The following NCLN variants were observed in gnomAD, a reference collection of about 807,000 sequenced individuals.
The protein encoded by NCLN is BOS complex subunit NCLN.
NCLN carries 34 observed loss-of-function variants against 69.5 expected under a neutral mutation model. That is an observed-to-expected ratio of 0.49 (90% CI 0.37 to 0.65). The LOEUF (loss-of-function observed/expected upper bound fraction) is 0.65. Among genes scored for constraint, NCLN ranks in the 30% least tolerant of loss-of-function variants. NCLN has a pLI of 0.00. For missense variants in NCLN, 710 were observed against 804.8 expected, an observed-to-expected ratio of 0.88 and a Z score of 1.42; for synonymous variants, 393 against 358.3, an observed-to-expected ratio of 1.10 and a Z score of -1.09.
At chr19:3,190,030 C>T (rs148978372) in intron 1 of NCLN, among the ~76,000 whole-genome samples, 2,050 of 152,316 alleles carry the variant, frequency 0.013, 25 homozygotes, top group Non-Finnish European at 0.022. Flanking sequence ...TGCGGGAGCT[C>T]GAGGCCCGGA....
At chr19:3,188,249 GC>G (rs368702023) in intron 1 of NCLN, among the ~76,000 whole-genome samples, 52 of 151,792 alleles carry the variant, frequency 3.4e-4, no homozygotes, top group African/African-American at 1.2e-3. Context: ...GCAGGTGTGG[GC>G]CCCCTTTCTC....
At chr19:3,204,522 G>C (rs532828168) in intron 8 of NCLN, 51 bp from the exon 9 acceptor site, 9 of 1,482,580 alleles carry the variant, frequency 6.1e-6, no homozygotes, top group Middle Eastern at 1.8e-4. Context: ...GAATGGGCTG[G>C]GGTGGCCGCC....
At chr19:3,206,873 G>A (rs1916284857) in intron 12 of NCLN, among the ~76,000 whole-genome samples, 2 of 152,184 alleles carry the variant, frequency 1.3e-5, no homozygotes, top group African/African-American at 4.8e-5. Flanking sequence ...CCAGGCTGGA[G>A]TGCAGTGGCG....
chr19:3,200,745 T>G (rs1480394503), intron 5 of NCLN, among the ~76,000 whole-genome samples: 2 of 151,914 alleles, frequency 1.3e-5, no homozygotes, highest in Non-Finnish European at 2.9e-5. Flanking sequence ...AAGCAGCCCC[T>G]CCCCATCAGC....
chr19:3,199,936 A>G (rs1227464156), intron 5 of NCLN, among the ~76,000 whole-genome samples: 1 of 151,790 alleles, frequency 6.6e-6, no homozygotes, highest in East Asian at 1.9e-4. Flanking sequence ...TCCTGACCTC[A>G]TGATTTGCCC....
Position 3,195,804 on chromosome 19 carries a change from A to C in NCLN, c.521-379A>C, listed in dbSNP as rs373978385. 4.3e-4 allele frequency among the ~76,000 whole-genome samples: 66 copies of C among 152,194 alleles called. 1 individual carries two copies. The highest frequency in any genetic ancestry group is 1.5e-3 in the African/African-American group (64 of 41,522). The stretch of plus-strand genomic sequence containing the variant: ...AGACCCTGTCTCAAATTAAAAAAAA[A>C]GTTGTGTTTTTAAAATGCTTTAAAG... On this transcript the variant is annotated intron_variant, in intron 3 of 14. Transcript: ENST00000246117.
In NCLN at chr19:3,208,713, C is replaced by G. The variant is rs1916350056; in HGVS notation, c.*1025C>G. 6.6e-6 allele frequency: 1 copy of G among 152,340 alleles called. No homozygotes were observed. The highest frequency in any genetic ancestry group is 2.4e-5 in the African/African-American group (1 of 41,414). 9.4% of individuals were successfully genotyped at this position (152,340 alleles called of 1,614,324 possible). Reference sequence around the variant, plus strand: ...CCTCCCCTCGCTCCTCGCCCTGGGCCTCAGCTTCCTCATCAATAGAAAGGA... The same window carrying G: ...CCTCCCCTCGCTCCTCGCCCTGGGCGTCAGCTTCCTCATCAATAGAAAGGA... On this transcript the variant is annotated 3_prime_UTR_variant, in exon 15 of 15. Coordinates refer to ENST00000246117, the MANE Select transcript of NCLN (RefSeq NM_020170.4).
At chr19:3,199,491 C>G (rs1433764566) in intron 5 of NCLN, among the ~76,000 whole-genome samples, 1 of 152,220 alleles carries the variant, frequency 6.6e-6, no homozygotes, top group Non-Finnish European at 1.5e-5. Context: ...CGGAGGGAAG[C>G]AGGGCCCGTG....
At chr19:3,191,607 A>G (rs1203045279) in intron 1 of NCLN, among the ~76,000 whole-genome samples, 4 of 152,206 alleles carry the variant, frequency 2.6e-5, no homozygotes, top group African/African-American at 9.6e-5. Flanking sequence ...GCTTCAGGGA[A>G]GGGCCGTCCC....
At position 3,204,757 on chromosome 19, in the gene NCLN, C is replaced by A; in HGVS notation, c.1208+6C>A. On this transcript the variant is annotated splice_donor_region_variant and intron_variant, in intron 9 of 14. Transcript: ENST00000246117. ...AGCAGCATCATGGACGTGCGGTGAG[C>A]GCGGCAGCACCTGCCCGGCCCCTCC... The A allele has an allele frequency of 1.3e-6, 2 of 1,483,134 alleles. No homozygotes were observed. Among genetic ancestry groups the A allele is most frequent in the Non-Finnish European group, 9.0e-7 (1 of 1,116,966 alleles). The allele number at this position is 1,483,134 out of a possible 1,614,324, so 91.9% of individuals were successfully genotyped here. A position where few individuals can be genotyped will look rare whatever the true frequency, so the allele number is the denominator to read the frequency against.
intron 4 of NCLN, among the ~76,000 whole-genome samples, chr19:3,198,002 C>A (rs189279129): frequency 8.9e-4 from 135 of 152,336 alleles, no homozygotes; most frequent in Middle Eastern, 3.4e-3. Context: ...GTAACAGACA[C>A]CATCTGGTCC....
At chr19:3,199,406 A>T (rs756903217) in intron 5 of NCLN, among the ~76,000 whole-genome samples, 1 of 152,236 alleles carries the variant, frequency 6.6e-6, no homozygotes, top group Non-Finnish European at 1.5e-5. Context: ...AGACTTCCAG[A>T]GACCCAGCGC....
chr19:3,197,190 C>G (rs766320390), intron 4 of NCLN, among the ~76,000 whole-genome samples: 11 of 152,248 alleles, frequency 7.2e-5, no homozygotes, highest in Non-Finnish European at 1.3e-4. Context: ...GTAGCCTGGC[C>G]TGCGTCACTC....
chr19:3,193,196 A>ACCCCCCC, intron 2 of NCLN, 88 bp from the exon 3 acceptor site: 2 of 1,206,566 alleles, frequency 1.7e-6, no homozygotes, highest in Non-Finnish European at 1.1e-6. Context: ...GCCCCCTGCT[A>ACCCCCCC]CCCCCACCAG....
intron 13 of NCLN, 24 bp downstream of exon 13, chr19:3,207,275 G>A (rs1916294684): frequency 6.2e-7 from 1 of 1,613,556 alleles, no homozygotes; most frequent in Non-Finnish European, 8.5e-7. Flanking sequence ...AGCGGGACCT[G>A]GAGCCCTTCA....
chr19:3,207,200 AC>A lies in NCLN; in HGVS notation c.1505del (p.Pro502GlnfsTer9), dbSNP rs759448703. 6.2e-7 allele frequency: 1 copy of A among 1,613,682 alleles called. No individual in the cohort carries two copies. Among genetic ancestry groups the A allele is most frequent in the Non-Finnish European group, 8.5e-7 (1 of 1,180,018 alleles). On this transcript the variant is annotated frameshift_variant, in exon 13 of 15. Coordinates refer to ENST00000246117, the MANE Select transcript of NCLN (RefSeq NM_020170.4). LOFTEE classifies it high-confidence loss of function. ...CTGAGAAAGTGCTCTCTCCCCAGGG[AC>A]CCAGAGTTTGTCTTCTACGACCAGC... is the stretch of plus-strand genomic sequence containing the variant. ...KQHHVKADKR[D>X]PEFVFYDQLK...
chr19:3,203,431 C>T (rs1916176264), intron 6 of NCLN, among the ~76,000 whole-genome samples: 1 of 152,188 alleles, frequency 6.6e-6, no homozygotes, highest in African/African-American at 2.4e-5. Context: ...GCCTCTAGAG[C>T]TGGGGTCTAA....
rs749259892 is a variant in NCLN, at chr19:3,204,119, A to T, written c.1004A>T (p.His335Leu). 1 of 1,518,410 alleles carries T rather than the reference A, an allele frequency of 6.6e-7. No homozygotes were observed. The highest frequency in any genetic ancestry group is 1.3e-5 in the South Asian group (1 of 77,022). The allele number at this position is 1,518,410 out of a possible 1,614,324, so 94.1% of individuals were successfully genotyped here. Residue 335 changes from histidine to leucine, a missense_variant, in exon 8 of 15, where the codon CAC (histidine) becomes CTC (leucine). Transcript: ENST00000246117. Reference sequence around the variant, plus strand: ...CCGCCTCGGGAGGGCACCCTGCAGCACGCCTTCCTGCGGGAGCTGGAGACG... The same window carrying T: ...CCGCCTCGGGAGGGCACCCTGCAGCTCGCCTTCCTGCGGGAGCTGGAGACG... Reference protein sequence around the residue: ...SKPPREGTLQHAFLRELETVA... With the variant: ...SKPPREGTLQLAFLRELETVA...
chr19:3,207,861 TG>T lies in NCLN; in HGVS notation c.*181del, dbSNP rs143112249. The stretch of plus-strand genomic sequence containing the variant: ...GCTTTTTTCTGTTGCTCTCCGAGAC[TG>T]GGGGGGGATTGTTTCTTCTTTTCCT... On this transcript the variant is annotated 3_prime_UTR_variant, in exon 15 of 15. Coordinates refer to ENST00000246117, the MANE Select transcript of NCLN (RefSeq NM_020170.4). 8.2e-3 allele frequency: 4,849 copies of T among 594,016 alleles called. 171 individuals are homozygous for T. The highest frequency in any genetic ancestry group is 0.079 in the African/African-American group (4,199 of 53,476). The allele number at this position is 594,016 out of a possible 1,614,324, so 36.8% of individuals were successfully genotyped here.
Sources: allele counts gnomAD v4.1 joint callset (sites outside exome capture counted in the v4.1 genomes callset), GRCh38; gene constraint gnomAD v4.1.1; transcripts MANE v1.5; gene names NCBI Gene and HGNC (gene_info 2026-07-23, HGNC 2026-07-21).